SLC6A15: variants seen among roughly 807,000 people sequenced by gnomAD.
The protein encoded by SLC6A15 is sodium-dependent neutral amino acid transporter B(0)AT2.
SLC6A15 carries 33 observed loss-of-function variants against 68.5 expected under a neutral mutation model. That is an observed-to-expected ratio of 0.48 (90% CI 0.37 to 0.64). The LOEUF (loss-of-function observed/expected upper bound fraction) is 0.64, where lower values mean the gene tolerates loss of function less well. Ranked by LOEUF, SLC6A15 falls within the 30% of genes least tolerant of loss-of-function variation. The probability of loss-of-function intolerance (pLI) is 0.00; values close to 1 mark genes in which losing one functional copy is unlikely to be tolerated. For missense variants in SLC6A15, 747 were observed against 874.3 expected, an observed-to-expected ratio of 0.85 and a Z score of 1.84; for synonymous variants, 347 against 301.0, an observed-to-expected ratio of 1.15 and a Z score of -1.58.
chr12:84,898,160 T>C (rs550375285), intron 1 of SLC6A15, among the ~76,000 whole-genome samples: 2 of 152,204 alleles, frequency 1.3e-5, no homozygotes, highest in East Asian at 1.9e-4. Flanking sequence ...GCCAACATGG[T>C]GAAACCCCAT....
chr12:84,899,294 C>G (rs1234867062), intron 1 of SLC6A15, among the ~76,000 whole-genome samples: 1 of 152,062 alleles, frequency 6.6e-6, no homozygotes, highest in African/African-American at 2.4e-5. Flanking sequence ...GGACAAAAAA[C>G]CCTACTGCAA....
At chr12:84,874,095 G>A (rs1448227892) in intron 6 of SLC6A15, among the ~76,000 whole-genome samples, 1 of 152,188 alleles carries the variant, frequency 6.6e-6, no homozygotes, top group Admixed American at 6.5e-5. Context: ...AGTAATAATA[G>A]CGTTTAAATT....
chr12:84,862,624 T>A (rs577575104), intron 11 of SLC6A15, among the ~76,000 whole-genome samples: 2 of 152,282 alleles, frequency 1.3e-5, no homozygotes, highest in African/African-American at 2.4e-5. Context: ...TACCTAATGA[T>A]TTCATTATTA....
At chr12:84,907,109 G>T (rs780752848) in intron 1 of SLC6A15, among the ~76,000 whole-genome samples, 7 of 152,090 alleles carry the variant, frequency 4.6e-5, no homozygotes, top group African/African-American at 9.7e-5. Flanking sequence ...CAGCACTTTG[G>T]GAGGCCCAGA....
chr12:84,891,608 T>C (rs1872395430), intron 2 of SLC6A15, among the ~76,000 whole-genome samples: 1 of 152,160 alleles, frequency 6.6e-6, no homozygotes, highest in South Asian at 2.1e-4. Flanking sequence ...GAGAATGTGT[T>C]ACCCTTAAGC....
At chr12:84,865,417 A>G (rs1333275294) in intron 10 of SLC6A15, among the ~76,000 whole-genome samples, 1 of 152,206 alleles carries the variant, frequency 6.6e-6, no homozygotes, top group Non-Finnish European at 1.5e-5. Flanking sequence ...CCCCCACGAG[A>G]GTGGAATGTT....
At chr12:84,911,987 G>C (rs1054040426) in intron 1 of SLC6A15, 2 of 152,238 alleles carry the variant, frequency 1.3e-5, no homozygotes, top group Non-Finnish European at 2.9e-5. Context: ...GTCCTCGGTA[G>C]TCGCCTTCTG....
At chr12:84,902,894 T>A (rs1255565344) in intron 1 of SLC6A15, among the ~76,000 whole-genome samples, 1 of 152,098 alleles carries the variant, frequency 6.6e-6, no homozygotes, top group Non-Finnish European at 1.5e-5. Flanking sequence ...GAGAGAATCA[T>A]ATGGTAAGGC....
chr12:84,898,219 T>G (rs895614214), intron 1 of SLC6A15, among the ~76,000 whole-genome samples: 2 of 152,120 alleles, frequency 1.3e-5, no homozygotes, highest in Non-Finnish European at 2.9e-5. Context: ...CATGCACCTT[T>G]AGTCCCAGCT....
intron 7 of SLC6A15, 128 bp from the exon 8 acceptor site, chr12:84,872,922 G>A (rs1871352034): frequency 8.5e-7 from 1 of 1,180,932 alleles, no homozygotes; most frequent in Non-Finnish European, 1.2e-6. Flanking sequence ...TAATGTTTGA[G>A]GTGATGACTA....
chr12:84,881,472 A>G (rs1440987468), intron 5 of SLC6A15: 1 of 985,284 alleles, frequency 1.0e-6, no homozygotes, highest in Non-Finnish European at 1.2e-6. Flanking sequence ...TAAAAAGGAA[A>G]ATACAAGATT....
intron 6 of SLC6A15, 147 bp from the exon 7 acceptor site, chr12:84,873,475 T>C (rs2120580151): frequency 1.1e-6 from 1 of 949,328 alleles, no homozygotes; most frequent in South Asian, 1.9e-5. Flanking sequence ...TTCTTAAGCA[T>C]AAACATCTAT....
intron 8 of SLC6A15, among the ~76,000 whole-genome samples, chr12:84,872,033 C>T (rs1056884913): frequency 1.3e-5 from 2 of 151,862 alleles, no homozygotes; most frequent in African/African-American, 4.8e-5. Flanking sequence ...TGGTATGTGC[C>T]TGTAATCCCA....
In SLC6A15 at chr12:84,861,847, C is replaced by T; in HGVS notation, c.1978G>A (p.Gly660Arg). ...GNLASVTYKR[G>R]RVLKEPVNLE... ...TTCACAGGCTCTTTCAGGACCCTTC[C>T]TCTCTTATAGGTCACAGATGCTAAA... The change falls in exon 12 of 12, where the codon GGA becomes AGA. Residue 660 changes from glycine to arginine, a missense_variant. By Grantham distance (125) the Gly-to-Arg change is moderately radical (BLOSUM62 -2). Coordinates refer to ENST00000266682, the MANE Select transcript of SLC6A15 (RefSeq NM_182767.6). The T allele has an allele frequency of 6.2e-7, 1 of 1,613,896 alleles. No individual in the cohort carries two copies. Among genetic ancestry groups the T allele is most frequent in the Non-Finnish European group, 8.5e-7 (1 of 1,179,926 alleles).
At position 84,892,138 on chromosome 12, in the gene SLC6A15, A is replaced by C; in HGVS notation, c.-18T>G. 7.5e-7 allele frequency: 1 copy of C among 1,340,748 alleles called. No individual in the cohort carries two copies. The highest frequency in any genetic ancestry group is 9.8e-7 in the Non-Finnish European group (1 of 1,017,528). 83.1% of individuals were successfully genotyped at this position (1,340,748 alleles called of 1,614,324 possible). On this transcript the variant is annotated 5_prime_UTR_variant, in exon 2 of 12. Transcript: ENST00000266682. ...TTGGGCATTGGAGAGTATGCGAAGT[A>C]TTTAAAAAAAAAAAAAAAAACTCCC...
At chr12:84,871,182 TAA>T (rs1157335196) in intron 8 of SLC6A15, among the ~76,000 whole-genome samples, 2 of 151,842 alleles carry the variant, frequency 1.3e-5, no homozygotes, top group African/African-American at 4.8e-5. Flanking sequence ...TGTTTTGATT[TAA>T]GAGAAAACTG....
At chr12:84,878,505 C>T (rs1871663537) in intron 5 of SLC6A15, among the ~76,000 whole-genome samples, 1 of 151,978 alleles carries the variant, frequency 6.6e-6, no homozygotes, top group Non-Finnish European at 1.5e-5. Flanking sequence ...TTAAACAAAA[C>T]TCAAATGTAC....
At chr12:84,862,761 C>T (rs552642008) in intron 11 of SLC6A15, among the ~76,000 whole-genome samples, 13 of 152,108 alleles carry the variant, frequency 8.5e-5, no homozygotes, top group South Asian at 2.1e-4. Context: ...TACATAGAAT[C>T]TGGGATACAA....
chr12:84,904,351 A>G (rs1175343149), intron 1 of SLC6A15, among the ~76,000 whole-genome samples: 1 of 152,168 alleles, frequency 6.6e-6, no homozygotes, highest in Non-Finnish European at 1.5e-5. Flanking sequence ...CACACCAATT[A>G]GAGCAAATGA....
Sources: allele counts gnomAD v4.1 joint callset (sites outside exome capture counted in the v4.1 genomes callset), GRCh38; gene constraint gnomAD v4.1.1; transcripts MANE v1.5; gene names NCBI Gene and HGNC (gene_info 2026-07-23, HGNC 2026-07-21).